The following AXL variants were observed in gnomAD, a reference collection of about 807,000 sequenced individuals.
AXL encodes the protein AXL receptor tyrosine kinase.
A neutral mutation model predicts 104.5 loss-of-function variants in AXL; 52 were observed. That is an observed-to-expected ratio of 0.50 (90% CI 0.40 to 0.63). The LOEUF (loss-of-function observed/expected upper bound fraction) is 0.63. Among genes scored for constraint, AXL ranks in the 20% least tolerant of loss-of-function variants. The pLI, the probability that AXL is intolerant of heterozygous loss-of-function variation, is 0.00. For synonymous variants in AXL, 455 were observed against 473.7 expected (o/e 0.96, Z 0.51); for missense variants, 1,024 against 1,188.5 (o/e 0.86, Z 2.04).
At chr19:41,256,164 GA>G (rs998975304) in intron 17 of AXL, among the ~76,000 whole-genome samples, 30 of 151,456 alleles carry the variant, frequency 2.0e-4, no homozygotes, top group African/African-American at 6.1e-4. Context: ...TATACTTCAA[GA>G]AAAAAAAATT....
At chr19:41,225,156 G>T (rs926155961) in intron 4 of AXL, among the ~76,000 whole-genome samples, 2 of 152,122 alleles carry the variant, frequency 1.3e-5, no homozygotes, top group Non-Finnish European at 2.9e-5. Flanking sequence ...GGCACGCCTG[G>T]CTTATTTTTG....
At chr19:41,243,734 C>T in intron 12 of AXL, 27 bp downstream of exon 12, 3 of 1,592,970 alleles carry the variant, frequency 1.9e-6, no homozygotes, top group African/African-American at 1.3e-5. Flanking sequence ...CCCCACTGCC[C>T]TGGCCTGGAT....
intron 9 of AXL, 64 bp from the exon 10 acceptor site, chr19:41,239,630 T>G: frequency 6.2e-7 from 1 of 1,602,380 alleles, no homozygotes; most frequent in South Asian, 1.1e-5. Context: ...CTTACTCCCT[T>G]ACCCGTGCCA....
At chr19:41,249,204 C>T (rs2034320371) in intron 14 of AXL, among the ~76,000 whole-genome samples, 1 of 152,040 alleles carries the variant, frequency 6.6e-6, no homozygotes, top group Admixed American at 6.6e-5. Flanking sequence ...CTTTGGGAGG[C>T]CGAGGCAGCA....
In AXL at chr19:41,219,314, G is replaced by C. The variant is rs1432849334; in HGVS notation, c.-79G>C. ...GCCAAATCCGGGGAGCCTGGAGCTG[G>C]GGGGAGGGCCGGGGACAGCCCGGCC... On this transcript the variant is annotated 5_prime_UTR_variant, in exon 1 of 20. Transcript: ENST00000301178. The C allele has an allele frequency of 1.9e-5, 26 of 1,379,870 alleles. No individual in the cohort carries two copies. In the East Asian group the frequency reaches 6.3e-4, roughly 33 times the overall value. 85.5% of individuals were successfully genotyped at this position (1,379,870 alleles called of 1,614,324 possible). A position where few individuals can be genotyped will look rare whatever the true frequency, so the allele number is the denominator to read the frequency against.
At chr19:41,237,904 T>C (rs778687509) in intron 6 of AXL, 40 bp from the exon 7 acceptor site, 1 of 1,579,058 alleles carries the variant, frequency 6.3e-7, no homozygotes, top group Non-Finnish European at 8.7e-7. Context: ...CTCGTGTGAT[T>C]GCTTGGCTGT....
At position 41,221,333 on chromosome 19, in the gene AXL, G is replaced by A. The variant is rs568991167; in HGVS notation, c.409+87G>A. On this transcript the variant is annotated intron_variant, in intron 3 of 19. Transcript: ENST00000301178. ...GAAGTCAGGAATCCTGAGGGGTCAA[G>A]GTCAAAGGGTGCTGGAGGATTCAGG... is the stretch of plus-strand genomic sequence containing the variant. 172 of 1,001,960 alleles carry A rather than the reference G, an allele frequency of 1.7e-4. 1 individual carries two copies. Among genetic ancestry groups the A allele is most frequent in the Middle Eastern group, 1.6e-3 (7 of 4,318 alleles). 62.1% of individuals were successfully genotyped at this position (1,001,960 alleles called of 1,614,324 possible).
chr19:41,257,168 C>T (rs1454332589), intron 18 of AXL, among the ~76,000 whole-genome samples: 2 of 152,036 alleles, frequency 1.3e-5, no homozygotes, highest in African/African-American at 2.4e-5. Context: ...CTCAGTCTCC[C>T]GAGTAGCTGG....
chr19:41,222,941 A>G (rs2033819761), intron 4 of AXL, among the ~76,000 whole-genome samples: 1 of 148,534 alleles, frequency 6.7e-6, no homozygotes, highest in African/African-American at 2.5e-5. Context: ...TGGGAGACAG[A>G]GAGAGATAGA....
chr19:41,237,532 C>T (rs1259792785), intron 6 of AXL, among the ~76,000 whole-genome samples: 3 of 152,158 alleles, frequency 2.0e-5, no homozygotes, highest in East Asian at 1.9e-4. Flanking sequence ...CGGGAGCCAC[C>T]GTGCCCAGTC....
chr19:41,247,240 G>A (rs562165615), intron 12 of AXL, among the ~76,000 whole-genome samples: 15 of 152,284 alleles, frequency 9.9e-5, no homozygotes, highest in Middle Eastern at 3.4e-3. Context: ...TTGGCCAGGC[G>A]TGGTGGCTCA....
intron 4 of AXL, among the ~76,000 whole-genome samples, chr19:41,227,611 G>T (rs1162196987): frequency 6.6e-6 from 1 of 151,238 alleles, no homozygotes; most frequent in African/African-American, 2.4e-5. Flanking sequence ...TCAGCCTCCC[G>T]AGTAGCTGGG....
intron 4 of AXL, among the ~76,000 whole-genome samples, chr19:41,229,770 G>C (rs896917585): frequency 6.6e-6 from 1 of 152,148 alleles, no homozygotes; most frequent in African/African-American, 2.4e-5. Flanking sequence ...GGAGAAGAGC[G>C]TGTGACAGGG....
chr19:41,241,543 C>CAAAAA (rs11457010), intron 10 of AXL, among the ~76,000 whole-genome samples: 6 of 66,928 alleles, frequency 9.0e-5, no homozygotes, highest in African/African-American at 1.5e-4. Context: ...GACTCTGTCT[C>CAAAAA]AAAAAAAAAA....
At position 41,222,061 on chromosome 19, in the gene AXL, G is replaced by A. The variant is rs1235746590; in HGVS notation, c.586+5G>A. The A allele has an allele frequency of 6.5e-7, 1 of 1,541,508 alleles. No homozygotes were observed. Among genetic ancestry groups the A allele is most frequent in the South Asian group, 1.3e-5 (1 of 79,280 alleles). The stretch of plus-strand genomic sequence containing the variant: ...AGCGCAGCCTGCATGTTCCAGGTGA[G>A]TCCGGGGATGTGGGTCAGCTCCGAA... On this transcript the variant is annotated splice_donor_5th_base_variant and intron_variant, in intron 4 of 19. Coordinates refer to ENST00000301178, the MANE Select transcript of AXL (RefSeq NM_021913.5).
intron 4 of AXL, among the ~76,000 whole-genome samples, chr19:41,230,129 G>A (rs2033950986): frequency 7.5e-6 from 1 of 132,926 alleles, no homozygotes; most frequent in Admixed American, 7.3e-5. Context: ...GTGAGACACA[G>A]TGTGTGTGTG....
chr19:41,239,069 C>T (rs1488339226), intron 8 of AXL, 95 bp from the exon 9 acceptor site: 10 of 1,410,318 alleles, frequency 7.1e-6, no homozygotes, highest in Admixed American at 4.0e-5. Context: ...ATGGGGAGAG[C>T]GTTTTGAGAA....
chr19:41,219,381 A>G lies in AXL; in HGVS notation c.-12A>G. 6.3e-7 allele frequency: 1 copy of G among 1,584,028 alleles called. No homozygotes were observed. The highest frequency in any genetic ancestry group is 8.6e-7 in the Non-Finnish European group (1 of 1,165,486). On this transcript the variant is annotated 5_prime_UTR_variant, in exon 1 of 20. Coordinates refer to ENST00000301178, the MANE Select transcript of AXL (RefSeq NM_021913.5). ...TGGGAGCCCAACAACTTCTGAGGAA[A>G]GTTTGGCACCCATGGCGTGGCGGTG...
rs2034545774 is a variant in AXL, at chr19:41,261,662, G to C, written c.*1758G>C. On this transcript the variant is annotated 3_prime_UTR_variant, in exon 20 of 20. Transcript: ENST00000301178. Reference sequence around the variant, plus strand: ...GGGATGGACGATCTCCCACCTTTCGGGCCATGTTGCCCCCGTGAGCCAATC... The same window carrying C: ...GGGATGGACGATCTCCCACCTTTCGCGCCATGTTGCCCCCGTGAGCCAATC... 1 of 152,594 alleles carries C rather than the reference G, an allele frequency of 6.6e-6. No homozygotes were observed. The highest frequency in any genetic ancestry group is 2.4e-5 in the African/African-American group (1 of 41,430). 9.5% of individuals were successfully genotyped at this position (152,594 alleles called of 1,614,324 possible). A position where few individuals can be genotyped will look rare whatever the true frequency, so the allele number is the denominator to read the frequency against.
Sources: gnomAD v4.1 joint callset for allele counts (sites outside exome capture counted in the v4.1 genomes callset) on GRCh38, gnomAD v4.1.1 for gene constraint, MANE v1.5 for transcripts, NCBI Gene and HGNC (gene_info 2026-07-23, HGNC 2026-07-21) for gene names.